RMND1: variants seen among roughly 807,000 people sequenced by gnomAD.
The protein encoded by RMND1 is required for meiotic nuclear division protein 1 homolog.
Under a neutral mutation model 54.0 loss-of-function variants are expected in RMND1, and 41 were observed. That is an observed-to-expected ratio of 0.76 (90% CI 0.59 to 0.98). The LOEUF (loss-of-function observed/expected upper bound fraction) is 0.98. Among genes scored for constraint, RMND1 ranks in the 50% least tolerant of loss-of-function variants. RMND1 has a pLI of 0.00. For synonymous variants in RMND1, 183 were observed against 181.7 expected (o/e 1.01, Z -0.06); for missense variants, 457 against 532.0 (o/e 0.86, Z 1.39).
chr6:151,429,401 G>A (rs1582957000), intron 5 of RMND1, among the ~76,000 whole-genome samples: 1 of 152,084 alleles, frequency 6.6e-6, no homozygotes, highest in Admixed American at 6.6e-5. Flanking sequence ...GATTACAGGC[G>A]TGAGCCACCA....
At position 151,445,694 on chromosome 6, in the gene RMND1, T is replaced by C. The variant is rs768777381; in HGVS notation, c.118A>G (p.Thr40Ala). ...LKPLKEFENT[T>A]CSTLTIRQSL... Reference sequence around the variant, plus strand: ...TGACGTATTGTCAGTGTGCTGCATGTTGTATTTTCAAATTCCTTAAGTGGT... The same window carrying C: ...TGACGTATTGTCAGTGTGCTGCATGCTGTATTTTCAAATTCCTTAAGTGGT... Residue 40 changes from threonine to alanine, a missense_variant, in exon 2 of 12, where the codon ACA becomes GCA. Transcript: ENST00000444024. 1.9e-6 allele frequency: 3 copies of C among 1,614,200 alleles called. No individual in the cohort carries two copies. Among genetic ancestry groups the C allele is most frequent in the Middle Eastern group, 1.6e-4 (1 of 6,062 alleles).
Position 151,404,858 on chromosome 6 carries a change from C to CATTT in RMND1, c.*373_*376dup, listed in dbSNP as rs35871051. On this transcript the variant is annotated 3_prime_UTR_variant, in exon 12 of 12. Transcript: ENST00000444024. ...TATTAAATGATCACCCAGTAGTGAA[C>CATTT]ATTTATTTATTTATTTTATTGTTTA... 0.35 allele frequency: 57,530 copies of CATTT among 163,048 alleles called. 12,529 individuals carry two copies. Among genetic ancestry groups the CATTT allele is most frequent in the East Asian group, 0.67 (3,562 of 5,342 alleles). 10.1% of individuals were successfully genotyped at this position (163,048 alleles called of 1,614,324 possible).
At chr6:151,431,194 G>C (rs1404870361) in intron 4 of RMND1, among the ~76,000 whole-genome samples, 1 of 152,078 alleles carries the variant, frequency 6.6e-6, no homozygotes, top group Non-Finnish European at 1.5e-5. Context: ...AGGTGGGACG[G>C]AGCAGAGCAG....
intron 1 of RMND1, among the ~76,000 whole-genome samples, chr6:151,447,217 G>A (rs1210377935): frequency 2.6e-5 from 4 of 152,178 alleles, no homozygotes; most frequent in Admixed American, 1.3e-4. Flanking sequence ...CAAAAGAGCC[G>A]ATGGCCAGAT....
chr6:151,429,068 T>C (rs1377495338), intron 5 of RMND1, among the ~76,000 whole-genome samples: 2 of 152,134 alleles, frequency 1.3e-5, no homozygotes, highest in South Asian at 2.1e-4. Context: ...TGGGATTGTA[T>C]AAAGCATGTT....
intron 5 of RMND1, among the ~76,000 whole-genome samples, chr6:151,429,479 G>T (rs138817240): frequency 8.5e-5 from 13 of 152,188 alleles, no homozygotes; most frequent in African/African-American, 2.9e-4. Flanking sequence ...CCCAGAAATA[G>T]ATATTTTTTT....
At chr6:151,419,278 T>G (rs985522288) in intron 9 of RMND1, among the ~76,000 whole-genome samples, 1 of 151,536 alleles carries the variant, frequency 6.6e-6, no homozygotes, top group Non-Finnish European at 1.5e-5. Flanking sequence ...TTAGCCAGGC[T>G]GGTCTCGAGC....
At chr6:151,426,779 T>C (rs949412574) in intron 6 of RMND1, among the ~76,000 whole-genome samples, 1 of 151,848 alleles carries the variant, frequency 6.6e-6, no homozygotes, top group Non-Finnish European at 1.5e-5. Context: ...TTTTTCCTCT[T>C]TTTTTTTGAG....
At chr6:151,448,021 G>T (rs1781012084) in intron 1 of RMND1, among the ~76,000 whole-genome samples, 1 of 151,848 alleles carries the variant, frequency 6.6e-6, no homozygotes, top group East Asian at 1.9e-4. Flanking sequence ...TCATTATGTT[G>T]GCCAGGCTGG....
rs370863743 is a variant in RMND1, at chr6:151,436,526, G to A, written c.533C>T (p.Thr178Met). ...ATTTCCCAGATGATACTCATCTGCCGTTGCAAATGCTGTGCAGTGCATTAG... is the reference window on the plus strand; with the variant it reads ...ATTTCCCAGATGATACTCATCTGCCATTGCAAATGCTGTGCAGTGCATTAG... ...EDLMHCTAFATADEYHLGNLS... is the reference protein window; with the variant it reads ...EDLMHCTAFAMADEYHLGNLS... The change falls in exon 3 of 12, where the codon ACG (threonine) becomes ATG (methionine). Residue 178 changes from threonine (T) to methionine (M), a missense_variant. By Grantham distance (81) the Thr-to-Met change is moderately conservative. Coordinates refer to ENST00000444024, the MANE Select transcript of RMND1 (RefSeq NM_017909.4). 19 of 1,613,826 alleles carry A rather than the reference G, an allele frequency of 1.2e-5. No individual in the cohort carries two copies. The Middle Eastern group carries it at 5.0e-4, about 42-fold the overall frequency.
chr6:151,407,918 A>T (rs7775083), intron 10 of RMND1, among the ~76,000 whole-genome samples: 1 of 151,332 alleles, frequency 6.6e-6, no homozygotes, highest in African/African-American at 2.4e-5. Context: ...CACACACACA[A>T]AAAAAAGTCA....
chr6:151,417,225 A>G (rs200579957), intron 10 of RMND1, 54 bp downstream of exon 10: 1 of 1,555,962 alleles, frequency 6.4e-7, no homozygotes, highest in Non-Finnish European at 8.7e-7. Context: ...AAACATATTC[A>G]ACTTATAGGC....
Position 151,445,577 on chromosome 6 carries a change from T to C in RMND1, c.235A>G (p.Met79Val). 3 of 1,614,256 alleles carry C rather than the reference T, an allele frequency of 1.9e-6. No individual in the cohort carries two copies. Among genetic ancestry groups the C allele is most frequent in the Non-Finnish European group, 2.5e-6 (3 of 1,180,052 alleles). ...CGAGCAGCATTTAATGGAGACAGCA[T>C]GCTGGTATCTGACTTTTTTTGGTTC... Reference protein sequence around the residue: ...EMNQKKSDTSMLSPLNAARCQ... With the variant: ...EMNQKKSDTSVLSPLNAARCQ... The change falls in exon 2 of 12, where the codon ATG (methionine) becomes GTG (valine). Residue 79 changes from methionine (M) to valine (V), a missense_variant. Physicochemically the swap from Met to Val is conservative, Grantham distance 21. Coordinates refer to ENST00000444024, the MANE Select transcript of RMND1 (RefSeq NM_017909.4).
chr6:151,434,508 G>A (rs1019024030), intron 3 of RMND1, among the ~76,000 whole-genome samples: 6 of 151,758 alleles, frequency 4.0e-5, no homozygotes, highest in African/African-American at 1.5e-4. Flanking sequence ...AAACAACCCA[G>A]GGCAGTGAAG....
intron 10 of RMND1, among the ~76,000 whole-genome samples, chr6:151,410,083 CT>C (rs1158138616): frequency 2.7e-5 from 4 of 147,150 alleles, no homozygotes; most frequent in Non-Finnish European, 5.9e-5. Context: ...GAGGCGGAGT[CT>C]TGCTCTGTCA....
intron 10 of RMND1, among the ~76,000 whole-genome samples, chr6:151,415,472 G>T (rs1032148569): frequency 1.3e-5 from 2 of 151,938 alleles, no homozygotes; most frequent in African/African-American, 4.8e-5. Flanking sequence ...CCAAAAAATT[G>T]TTTCAGTAAC....
intron 1 of RMND1, among the ~76,000 whole-genome samples, chr6:151,450,284 G>A (rs1406342542): frequency 1.1e-4 from 16 of 150,818 alleles, no homozygotes. Context: ...TGTGAGGAGC[G>A]CCTCTGCCCG....
At chr6:151,428,031 C>T (rs974820047) in intron 5 of RMND1, among the ~76,000 whole-genome samples, 3 of 152,046 alleles carry the variant, frequency 2.0e-5, no homozygotes, top group Non-Finnish European at 4.4e-5. Flanking sequence ...GTCCCAGCTA[C>T]CTGAGAGGCT....
intron 8 of RMND1, among the ~76,000 whole-genome samples, chr6:151,422,173 AATTGACAG>A (rs1780168190): frequency 6.6e-6 from 1 of 152,178 alleles, no homozygotes; most frequent in African/African-American, 2.4e-5. Flanking sequence ...ACCAACTGCA[AATTGACAG>A]TATTTTGAGA....
Sources: allele counts gnomAD v4.1 joint callset (sites outside exome capture counted in the v4.1 genomes callset), GRCh38; gene constraint gnomAD v4.1.1; transcripts MANE v1.5; gene names NCBI Gene and HGNC (gene_info 2026-07-23, HGNC 2026-07-21).